The following EFHD1 variants were observed in gnomAD, a reference collection of about 807,000 sequenced individuals.
EFHD1 encodes the protein EF-hand domain-containing protein D1.
EFHD1 carries 10 observed loss-of-function variants against 17.2 expected under a neutral mutation model. The observed-to-expected ratio is 0.58, with a 90% CI of 0.36 to 0.99. EFHD1 has a LOEUF of 0.99. Ranked by LOEUF, EFHD1 falls within the 50% of genes least tolerant of loss-of-function variation. EFHD1 has a pLI of 0.01. For synonymous variants in EFHD1, 153 were observed against 142.0 expected (o/e 1.08, Z -0.55); for missense variants, 310 against 327.5 (o/e 0.95, Z 0.41).
intron 1 of EFHD1, among the ~76,000 whole-genome samples, chr2:232,656,921 GATGTGGGCCACCACATTCAGGTACT>G (rs1694774696): frequency 6.6e-6 from 1 of 152,128 alleles, no homozygotes; most frequent in Admixed American, 6.6e-5. Flanking sequence ...TGGGACCGCA[GATGTGGGCCACCACATTCAGGTACT>G]TTCTTAATTT....
chr2:232,606,148 C>A (rs1693707338), exon 1 of EFHD1: 1 of 1,550,092 alleles, frequency 6.5e-7, no homozygotes, highest in South Asian at 1.2e-5. Flanking sequence ...GCTGACAGTC[C>A]CCAGACATAC....
At chr2:232,633,551 C>T (rs1007838898), upstream of EFHD1, 1 of 1,285,934 alleles carries the variant, frequency 7.8e-7, no homozygotes, top group Non-Finnish European at 9.8e-7. Flanking sequence ...GACCGCCCCG[C>T]CCGCCAGTCC....
intron 1 of EFHD1, among the ~76,000 whole-genome samples, chr2:232,644,503 T>C (rs937285062): frequency 9.9e-5 from 15 of 151,502 alleles, no homozygotes; most frequent in African/African-American, 3.6e-4. Context: ...TTTTCTTTTC[T>C]TTTTTTTCAA....
chr2:232,648,938 C>G (rs994890836), intron 1 of EFHD1, among the ~76,000 whole-genome samples: 1 of 152,148 alleles, frequency 6.6e-6, no homozygotes, highest in Non-Finnish European at 1.5e-5. Flanking sequence ...ATCACTAAGG[C>G]GTGTTCTGGG....
intron 2 of EFHD1, among the ~76,000 whole-genome samples, chr2:232,663,680 C>T (rs1388996568): frequency 1.3e-5 from 2 of 151,962 alleles, no homozygotes; most frequent in Non-Finnish European, 2.9e-5. Context: ...TGTGATATCT[C>T]GATATAAGCG....
At chr2:232,639,941 C>T (rs779915211) in intron 1 of EFHD1, among the ~76,000 whole-genome samples, 2 of 152,280 alleles carry the variant, frequency 1.3e-5, no homozygotes, top group South Asian at 2.1e-4. Flanking sequence ...GTGAGGCTGT[C>T]GCGGACTCAC....
rs75633500 is a variant in EFHD1, at chr2:232,668,619, T to C, written c.451-3690T>C. ...CTCTGTCTTCTCTTAAAAAATATTT[T>C]GTTTTATTATTTTATTATTTATTTA... On this transcript the variant is annotated intron_variant, in intron 2 of 3. Coordinates refer to ENST00000264059, the MANE Select transcript of EFHD1 (RefSeq NM_025202.4). Among the ~76,000 whole-genome samples the C allele has an allele frequency of 6.2e-3, 939 of 152,182 alleles. 37 individuals are homozygous for C. The highest frequency in any genetic ancestry group is 0.049 in the Admixed American group (748 of 15,274).
At chr2:232,655,798 G>A (rs1020048907) in intron 1 of EFHD1, among the ~76,000 whole-genome samples, 2 of 138,574 alleles carry the variant, frequency 1.4e-5, no homozygotes, top group Admixed American at 1.5e-4. Flanking sequence ...TCCTTGTGTG[G>A]GGTCTTTTTT....
chr2:232,613,107 C>T (rs935611174), intron 1 of EFHD1, among the ~76,000 whole-genome samples: 4 of 151,894 alleles, frequency 2.6e-5, no homozygotes, highest in African/African-American at 9.7e-5. Flanking sequence ...CCACCCCCTG[C>T]CCCCCACCAA....
intron 2 of EFHD1, among the ~76,000 whole-genome samples, chr2:232,664,876 G>C (rs560659527): frequency 3.1e-4 from 47 of 151,824 alleles, no homozygotes; most frequent in Admixed American, 1.3e-3. Flanking sequence ...GCCTCCCAAA[G>C]TGCTGGGATT....
intron 1 of EFHD1, among the ~76,000 whole-genome samples, chr2:232,660,218 G>A (rs1039783828): frequency 6.0e-5 from 9 of 149,064 alleles, no homozygotes; most frequent in Admixed American, 2.7e-4. Flanking sequence ...TTTTTGAGGC[G>A]GAATCTTGCT....
At chr2:232,613,386 T>TG (rs1292188007) in intron 1 of EFHD1, among the ~76,000 whole-genome samples, 3 of 152,030 alleles carry the variant, frequency 2.0e-5, no homozygotes, top group African/African-American at 7.2e-5. Context: ...ATCACGCCCC[T>TG]GCACTCCAGC....
At chr2:232,663,521 C>A (rs1220232571) in intron 2 of EFHD1, among the ~76,000 whole-genome samples, 2 of 151,980 alleles carry the variant, frequency 1.3e-5, no homozygotes, top group African/African-American at 4.8e-5. Context: ...AGTGTGCCAC[C>A]AGGCCTGGCT....
chr2:232,677,274 TACACACAC>T lies in EFHD1; in HGVS notation c.586-4298_586-4291del, dbSNP rs36180788. Among the ~76,000 whole-genome samples, 8 of 141,450 alleles carry T rather than the reference TACACACAC, an allele frequency of 5.7e-5. No homozygotes were observed. The East Asian group carries it at 6.8e-4, about 12-fold the overall frequency. 92.8% of individuals were successfully genotyped at this position (141,450 alleles called of 152,430 possible). ...CACACATCTTTCTATAACACACACATACACACACACACACACACACGTACACACACACA... is the reference window on the plus strand; with the variant it reads ...CACACATCTTTCTATAACACACACATACACACACACACGTACACACACACA... On this transcript the variant is annotated intron_variant, in intron 3 of 3. Transcript: ENST00000264059.
intron 1 of EFHD1, among the ~76,000 whole-genome samples, chr2:232,647,809 G>GT (rs201453688): frequency 1.6e-3 from 237 of 152,072 alleles, no homozygotes; most frequent in Middle Eastern, 6.8e-3. Context: ...GCTAATTTTT[G>GT]TATTTTTAGT....
intron 1 of EFHD1, among the ~76,000 whole-genome samples, chr2:232,646,089 C>G (rs947899684): frequency 6.6e-6 from 1 of 152,212 alleles, no homozygotes; most frequent in African/African-American, 2.4e-5. Context: ...TGGCCTCCCC[C>G]ATCCGTCCAA....
At chr2:232,667,544 T>A (rs7589030) in intron 2 of EFHD1, among the ~76,000 whole-genome samples, 69,396 of 143,602 alleles carry the variant, frequency 0.48, 17,050 homozygotes, top group African/African-American at 0.61. Context: ...TTAATTAATT[T>A]ATTTATTTAT....
intron 1 of EFHD1, among the ~76,000 whole-genome samples, chr2:232,621,602 G>A (rs938231799): frequency 1.8e-4 from 27 of 152,168 alleles, no homozygotes; most frequent in African/African-American, 5.8e-4. Flanking sequence ...ATGGGCACCC[G>A]CCACCATGCC....
At chr2:232,681,491 G>T (rs1291121101) in intron 3 of EFHD1, 94 bp from the exon 4 acceptor site, 3 of 1,523,618 alleles carry the variant, frequency 2.0e-6, no homozygotes, top group East Asian at 2.3e-5. Context: ...TTGTCTCTAG[G>T]TCTGCTGAAT....
Sources: allele counts gnomAD v4.1 joint callset (sites outside exome capture counted in the v4.1 genomes callset), GRCh38; gene constraint gnomAD v4.1.1; transcripts MANE v1.5; gene names NCBI Gene and HGNC (gene_info 2026-07-23, HGNC 2026-07-21).